KIAA1671: variants seen among roughly 807,000 people sequenced by gnomAD.
KIAA1671 encodes KIAA1671.
A neutral mutation model predicts 131.2 loss-of-function variants in KIAA1671; 52 were observed. That is an observed-to-expected ratio of 0.40 (90% CI 0.32 to 0.50). KIAA1671 has a LOEUF of 0.50. KIAA1671 is among the 20% of genes least tolerant of loss of function. The pLI is 0.73. For synonymous variants in KIAA1671, 1,003 were observed against 961.6 expected (o/e 1.04, Z -0.80); for missense variants, 2,360 against 2,364.2 (o/e 1.00, Z 0.04).
intron 9 of KIAA1671, among the ~76,000 whole-genome samples, chr22:25,180,452 C>G (rs1001503502): frequency 6.6e-6 from 1 of 151,996 alleles, no homozygotes. Context: ...GCAGGAGAAT[C>G]GATTGAACCC....
At chr22:25,025,348 G>T (rs1194436995) in intron 1 of KIAA1671, among the ~76,000 whole-genome samples, 1 of 152,134 alleles carries the variant, frequency 6.6e-6, no homozygotes, top group African/African-American at 2.4e-5. Flanking sequence ...ACTGTGAGTT[G>T]CATGGTTGCA....
chr22:25,039,820 C>T lies in KIAA1671; in HGVS notation c.2690C>T (p.Ser897Phe). The change falls in exon 5 of 13, where the codon TCC becomes TTC. Residue 897 changes from serine to phenylalanine, a missense_variant. Ser to Phe is a radical substitution (Grantham distance 155). Transcript: ENST00000358431. ...LSRATNGPSD[S>F]QARTHPDAFA... Reference sequence around the variant, plus strand: ...AGGGCTACGAATGGGCCTTCTGACTCCCAAGCACGAACACATCCAGATGCA... The same window carrying T: ...AGGGCTACGAATGGGCCTTCTGACTTCCAAGCACGAACACATCCAGATGCA... The T allele has an allele frequency of 2.0e-6, 3 of 1,533,458 alleles. No individual in the cohort carries two copies. Among genetic ancestry groups the T allele is most frequent in the East Asian group, 4.9e-5 (2 of 40,626 alleles). 95.0% of individuals were successfully genotyped at this position (1,533,458 alleles called of 1,614,324 possible).
In KIAA1671 at chr22:25,039,445, A is replaced by G; in HGVS notation, c.2315A>G (p.Gln772Arg). 1 of 1,551,786 alleles carries G rather than the reference A, an allele frequency of 6.4e-7. No individual in the cohort carries two copies. The highest frequency in any genetic ancestry group is 2.0e-5 in the Admixed American group (1 of 51,018). ...LRSWLSLKDR[Q>R]LSQEVTPADL... ...TCTTGGCTCTCACTGAAGGACAGGC[A>G]GCTGTCCCAGGAGGTCACCCCTGCT... The change falls in exon 5 of 13, where the codon CAG (glutamine) becomes CGG (arginine). Residue 772 changes from glutamine (Q) to arginine (R), a missense_variant. Transcript: ENST00000358431.
At chr22:25,062,942 G>A (rs1928251926) in intron 6 of KIAA1671, 1 of 151,944 alleles carries the variant, frequency 6.6e-6, no homozygotes, top group Non-Finnish European at 1.5e-5. Flanking sequence ...GCTCAGAGAT[G>A]CCTTTTTTTG....
chr22:25,183,022 C>G (rs1476720322), intron 10 of KIAA1671, among the ~76,000 whole-genome samples: 1 of 152,202 alleles, frequency 6.6e-6, no homozygotes, highest in Admixed American at 6.5e-5. Flanking sequence ...TCTCATAGTC[C>G]TGGAACCAAA....
At chr22:25,142,346 G>A (rs1484838816) in intron 6 of KIAA1671, among the ~76,000 whole-genome samples, 1 of 152,146 alleles carries the variant, frequency 6.6e-6, no homozygotes, top group African/African-American at 2.4e-5. Context: ...ACAAGTTGCC[G>A]AATCCGATCC....
At chr22:25,007,996 G>A (rs1024973056) in intron 1 of KIAA1671, among the ~76,000 whole-genome samples, 1 of 151,808 alleles carries the variant, frequency 6.6e-6, no homozygotes, top group Non-Finnish European at 1.5e-5. Context: ...AAGAGCTCTC[G>A]AGACCAGCCT....
At chr22:25,165,966 C>T (rs1274458521) in intron 6 of KIAA1671, among the ~76,000 whole-genome samples, 2 of 152,128 alleles carry the variant, frequency 1.3e-5, no homozygotes, top group African/African-American at 2.4e-5. Flanking sequence ...ATGCAGGTCC[C>T]GCAGGCCGTA....
At chr22:25,179,380 G>C (rs545000209) in intron 9 of KIAA1671, 1 of 1,606,702 alleles carries the variant, frequency 6.2e-7, no homozygotes, top group South Asian at 1.1e-5. Flanking sequence ...TCGCGCAGCC[G>C]CTCGCGCAGT....
At chr22:24,954,171 A>T (rs939939646) in intron 1 of KIAA1671, among the ~76,000 whole-genome samples, 6 of 152,112 alleles carry the variant, frequency 3.9e-5, no homozygotes, top group African/African-American at 1.2e-4. Flanking sequence ...CTTTCTTCCA[A>T]ATGGGTTAAT....
chr22:25,066,308 C>T (rs1328157587), intron 6 of KIAA1671, among the ~76,000 whole-genome samples: 2 of 152,152 alleles, frequency 1.3e-5, no homozygotes, highest in Non-Finnish European at 1.5e-5. Flanking sequence ...ACCACCACAC[C>T]AGGCTAAGTT....
Position 25,041,321 on chromosome 22 carries a change from C to G in KIAA1671, c.4191C>G (p.Asp1397Glu). ...SVAQWGDHPR[D>E]CGRVPLDIKR... The stretch of plus-strand genomic sequence containing the variant: ...CCCAGTGGGGTGACCACCCACGTGA[C>G]TGTGGACGGGTGCCGCTGGATATCA... Residue 1397 changes from aspartate to glutamate, a missense_variant, in exon 5 of 13, where the codon GAC becomes GAG. Physicochemically the swap from Asp to Glu is conservative, Grantham distance 45. This residue lies in a region of KIAA1671 where 1,161 missense variants were observed against 1,204.7 expected (regional missense o/e 0.96). Transcript: ENST00000358431. 1 of 1,551,710 alleles carries G rather than the reference C, an allele frequency of 6.4e-7. No individual in the cohort carries two copies. The highest frequency in any genetic ancestry group is 8.7e-7 in the Non-Finnish European group (1 of 1,146,982).
chr22:25,064,685 CAT>C (rs1358324574), intron 6 of KIAA1671: 1 of 152,250 alleles, frequency 6.6e-6, no homozygotes, highest in African/African-American at 2.4e-5. Flanking sequence ...AAGATGGGCA[CAT>C]GTCTGGCTTC....
intron 6 of KIAA1671, among the ~76,000 whole-genome samples, chr22:25,066,808 G>A (rs1451446501): frequency 6.6e-6 from 1 of 152,000 alleles, no homozygotes; most frequent in East Asian, 1.9e-4. Context: ...GGGTCAAGTG[G>A]TGGGAGGTGC....
At chr22:25,140,724 G>A (rs1330871462) in intron 6 of KIAA1671, among the ~76,000 whole-genome samples, 1 of 152,240 alleles carries the variant, frequency 6.6e-6, no homozygotes, top group Non-Finnish European at 1.5e-5. Context: ...CAGTGGGCAA[G>A]GGCCCCATAG....
chr22:25,025,919 C>A (rs1432891123), intron 2 of KIAA1671, 135 bp downstream of exon 2: 1 of 152,264 alleles, frequency 6.6e-6, no homozygotes, highest in Admixed American at 6.5e-5. Flanking sequence ...CATGTCCTGG[C>A]TATTACATAT....
chr22:24,981,088 G>T (rs909556266), intron 1 of KIAA1671, among the ~76,000 whole-genome samples: 15 of 148,980 alleles, frequency 1.0e-4, no homozygotes, highest in Non-Finnish European at 1.9e-4. Flanking sequence ...GTGTGTGTGT[G>T]TTTTTACTGT....
chr22:25,063,815 G>C (rs1217878103), intron 6 of KIAA1671: 3 of 152,126 alleles, frequency 2.0e-5, no homozygotes, highest in Non-Finnish European at 4.4e-5. Context: ...TACTGTTATG[G>C]GTATTGGGAC....
At chr22:25,177,320 T>A (rs891607852) in intron 8 of KIAA1671, 28 bp from the exon 9 acceptor site, 9 of 1,528,892 alleles carry the variant, frequency 5.9e-6, no homozygotes, top group African/African-American at 1.4e-5. Flanking sequence ...CTTGATTTTT[T>A]TCCTCTTCCT....
Sources: gnomAD v4.1 joint callset for allele counts (sites outside exome capture counted in the v4.1 genomes callset) on GRCh38, gnomAD v4.1.1 for gene constraint, gnomAD v4.1.1 regional missense constraint, MANE v1.5 for transcripts, NCBI Gene and HGNC (gene_info 2026-07-23, HGNC 2026-07-21) for gene names.